The following ZFPM1 variants were observed in gnomAD, a reference collection of about 807,000 sequenced individuals.
ZFPM1 encodes zinc finger protein, FOG family member 1, also known as zinc finger protein ZFPM1.
In ZFPM1, 28 loss-of-function variants were observed where a neutral mutation model predicts 46.3. The ratio of observed to expected loss-of-function variants is 0.60; its 90% CI spans 0.45 to 0.83. The LOEUF (loss-of-function observed/expected upper bound fraction) is 0.83. Among genes scored for constraint, ZFPM1 ranks in the 40% least tolerant of loss-of-function variants. The probability of loss-of-function intolerance (pLI) is 0.00; values close to 1 mark genes in which losing one functional copy is unlikely to be tolerated. For synonymous variants in ZFPM1, 957 were observed against 675.9 expected, an observed-to-expected ratio of 1.42 and a Z score of -6.45; for missense variants, 1,878 against 1,432.4, an observed-to-expected ratio of 1.31 and a Z score of -5.02.
intron 1 of ZFPM1, among the ~76,000 whole-genome samples, chr16:88,484,847 A>G (rs1446020234): frequency 3.3e-5 from 5 of 152,216 alleles, no homozygotes; most frequent in African/African-American, 1.2e-4. Flanking sequence ...GGTCCGGAGC[A>G]GCTGCCCCCG....
In ZFPM1 at chr16:88,508,528, C is replaced by T. The variant is rs151261822; in HGVS notation, c.269-5859C>T. On this transcript the variant is annotated intron_variant, in intron 3 of 9. Coordinates refer to ENST00000319555, the MANE Select transcript of ZFPM1 (RefSeq NM_153813.3). Reference sequence around the variant, plus strand: ...TCCACGTGGGTTCCCCTGGTCTCTCCTGGGCACAGGCCCATCCCGACGCTC... The same window carrying T: ...TCCACGTGGGTTCCCCTGGTCTCTCTTGGGCACAGGCCCATCCCGACGCTC... Among the ~76,000 whole-genome samples the T allele has an allele frequency of 4.5e-3, 680 of 152,318 alleles. 3 individuals are homozygous for T. The highest frequency in any genetic ancestry group is 0.027 in the Middle Eastern group (8 of 294).
At chr16:88,473,229 C>T (rs537705516) in intron 1 of ZFPM1, among the ~76,000 whole-genome samples, 3 of 152,382 alleles carry the variant, frequency 2.0e-5, no homozygotes, top group African/African-American at 7.2e-5. Flanking sequence ...GAATCCTGCT[C>T]CTGGCCCCCG....
intron 4 of ZFPM1, among the ~76,000 whole-genome samples, chr16:88,520,729 G>A: frequency 9.1e-6 from 1 of 110,428 alleles, no homozygotes; most frequent in Admixed American, 9.2e-5. Context: ...GGATGGGTGG[G>A]TAGATGGATG....
intron 1 of ZFPM1, among the ~76,000 whole-genome samples, chr16:88,463,597 G>A (rs1165818811): frequency 6.6e-5 from 10 of 152,270 alleles, no homozygotes; most frequent in Non-Finnish European, 4.4e-5. Context: ...GTGTGCAGAT[G>A]GGGAAACTGA....
intron 1 of ZFPM1, among the ~76,000 whole-genome samples, chr16:88,472,690 C>T (rs558421535): frequency 6.6e-6 from 1 of 152,338 alleles, no homozygotes; most frequent in South Asian, 2.1e-4. Context: ...GTGTACATCA[C>T]ATTTACCATA....
chr16:88,521,780 ACCCTGTGCTGTTCCCTC>A (rs1249519395), intron 4 of ZFPM1, among the ~76,000 whole-genome samples: 57 of 16,778 alleles, frequency 3.4e-3, no homozygotes, highest in East Asian at 0.011. Context: ...CTGTTCCCAC[ACCCTGTGCTGTTCCCTC>A]CCCTGTGCTG....
In ZFPM1 at chr16:88,469,849, C is replaced by T. The variant is rs947372715; in HGVS notation, c.41-16090C>T. ...AGACATCACCTTGGCCAGGGCCCCA[C>T]CCCCTAACGTGGGGTGCAGTGCCTC... On this transcript the variant is annotated intron_variant, in intron 1 of 9. Coordinates refer to ENST00000319555, the MANE Select transcript of ZFPM1 (RefSeq NM_153813.3). This position sits in a 1 kb window ranked among gnomAD's most constrained non-coding sequence, Gnocchi z 4.3. 5.9e-5 allele frequency among the ~76,000 whole-genome samples: 9 copies of T among 151,762 alleles called. No homozygotes were observed. Among genetic ancestry groups the T allele is most frequent in the Admixed American group, 2.0e-4 (3 of 15,276 alleles).
chr16:88,457,212 T>G (rs917936041), intron 1 of ZFPM1, among the ~76,000 whole-genome samples: 2 of 152,214 alleles, frequency 1.3e-5, no homozygotes, highest in Admixed American at 1.3e-4. Context: ...TGATGTGTTA[T>G]GAACATGAGT....
At chr16:88,521,257 G>A (rs917216834) in intron 4 of ZFPM1, among the ~76,000 whole-genome samples, 2 of 149,298 alleles carry the variant, frequency 1.3e-5, no homozygotes, top group Admixed American at 6.7e-5. Flanking sequence ...TCCCTCCTCC[G>A]TGCTGTGAAA....
chr16:88,460,846 C>G (rs145089490), intron 1 of ZFPM1, among the ~76,000 whole-genome samples: 2 of 151,290 alleles, frequency 1.3e-5, no homozygotes, highest in Non-Finnish European at 2.9e-5. Context: ...CCGTGGGCCT[C>G]GGCCTCCCAG....
rs918832971 is a variant in ZFPM1, at chr16:88,471,916, G to T, written c.41-14023G>T. On this transcript the variant is annotated intron_variant, in intron 1 of 9. Coordinates refer to ENST00000319555, the MANE Select transcript of ZFPM1 (RefSeq NM_153813.3). The surrounding 1 kb of genome is among the most constrained non-coding windows in gnomAD (Gnocchi z 4.1). ...TATTCCTGAGGGGACCTGCAGGTCC[G>T]CAAGAGCCTTGGGTGGGCCGGGGCA... 1.3e-5 allele frequency among the ~76,000 whole-genome samples: 2 copies of T among 152,248 alleles called. No homozygotes were observed. The highest frequency in any genetic ancestry group is 2.9e-5 in the Non-Finnish European group (2 of 68,040).
At chr16:88,526,050 CAGTG>C (rs1336380197) in intron 4 of ZFPM1, among the ~76,000 whole-genome samples, 2 of 152,290 alleles carry the variant, frequency 1.3e-5, no homozygotes, top group East Asian at 1.9e-4. Context: ...TCCAGGGTGA[CAGTG>C]AGGCCAGGGG....
At chr16:88,490,294 C>T (rs1038086350) in intron 3 of ZFPM1, among the ~76,000 whole-genome samples, 6 of 152,150 alleles carry the variant, frequency 3.9e-5, no homozygotes, top group East Asian at 1.9e-4. Flanking sequence ...CCTCGTGATC[C>T]GCCCGCCTCG....
At chr16:88,452,848 G>T (rs1299578625), upstream of ZFPM1, among the ~76,000 whole-genome samples, 1 of 152,234 alleles carries the variant, frequency 6.6e-6, no homozygotes, top group Admixed American at 6.5e-5. Flanking sequence ...CGGTGCCGCG[G>T]GGCAGCAGAA....
chr16:88,518,128 C>T (rs1911474278), intron 4 of ZFPM1, among the ~76,000 whole-genome samples: 1 of 151,964 alleles, frequency 6.6e-6, no homozygotes, highest in South Asian at 2.1e-4. Flanking sequence ...TGGTGTGAAC[C>T]CGGGAGGCGG....
At chr16:88,491,283 G>A (rs980737922) in intron 3 of ZFPM1, among the ~76,000 whole-genome samples, 15 of 152,170 alleles carry the variant, frequency 9.9e-5, no homozygotes, top group African/African-American at 2.2e-4. Context: ...GGCCCCCCTC[G>A]GGCCCGCAGA....
upstream of ZFPM1, among the ~76,000 whole-genome samples, chr16:88,452,752 G>A (rs1047851901): frequency 6.6e-6 from 1 of 152,236 alleles, no homozygotes; most frequent in Non-Finnish European, 1.5e-5. Context: ...TTACAGTGCG[G>A]GGGCGGAGCC....
At chr16:88,533,110 C>G in intron 9 of ZFPM1, 38 bp from the exon 10 acceptor site, 2 of 1,467,214 alleles carry the variant, frequency 1.4e-6, no homozygotes, top group South Asian at 1.4e-5. Context: ...CAGGTCCTGC[C>G]CCAGGCCTGA....
At chr16:88,484,775 A>C (rs1909126474) in intron 1 of ZFPM1, among the ~76,000 whole-genome samples, 3 of 152,130 alleles carry the variant, frequency 2.0e-5, no homozygotes. Context: ...ACCCATCACC[A>C]GCCCCGCCGG....
Sources: gnomAD v4.1 joint callset for allele counts (sites outside exome capture counted in the v4.1 genomes callset) on GRCh38, gnomAD v4.1.1 for gene constraint, Gnocchi (gnomAD v3.1) non-coding constraint, MANE v1.5 for transcripts, NCBI Gene and HGNC (gene_info 2026-07-23, HGNC 2026-07-21) for gene names.